Variants in ENTREP2 observed in about 807,000 individuals in gnomAD.
ENTREP2 encodes protein ENTREP2.
the ENTREP2 span, among the ~76,000 whole-genome samples, chr15:29,212,180 C>G: frequency 6.6e-6 from 1 of 152,128 alleles, no homozygotes; most frequent in Admixed American, 6.5e-5. Flanking sequence ...TTCAGGGTAT[C>G]TAATTCTTCC....
chr15:29,158,841 GATGT>G, the ENTREP2 span, among the ~76,000 whole-genome samples: 1 of 151,996 alleles, frequency 6.6e-6, no homozygotes. Context: ...TCTAATAAAT[GATGT>G]ATAGAACAAA....
the ENTREP2 span, among the ~76,000 whole-genome samples, chr15:29,357,953 TC>T: frequency 6.6e-6 from 1 of 151,736 alleles, no homozygotes; most frequent in South Asian, 2.1e-4. Flanking sequence ...GGCAAACCTC[TC>T]AAGGCATGCC....
chr15:29,326,664 C>T, the ENTREP2 span, among the ~76,000 whole-genome samples: 1 of 152,026 alleles, frequency 6.6e-6, no homozygotes, highest in Non-Finnish European at 1.5e-5. Flanking sequence ...AAATCCAATG[C>T]AACCCTAATC....
the ENTREP2 span, among the ~76,000 whole-genome samples, chr15:29,451,895 C>A: frequency 6.6e-6 from 1 of 152,232 alleles, no homozygotes; most frequent in African/African-American, 2.4e-5. Context: ...GAATCCTGCT[C>A]AGCAGTAGAT....
At chr15:29,608,260 C>T in the ENTREP2 span, among the ~76,000 whole-genome samples, 8 of 152,068 alleles carry the variant, frequency 5.3e-5, no homozygotes, top group African/African-American at 1.9e-4. Flanking sequence ...ATCACAAAGG[C>T]CATGTTAAGG....
At chr15:29,330,390 A>G in the ENTREP2 span, among the ~76,000 whole-genome samples, 1 of 152,126 alleles carries the variant, frequency 6.6e-6, no homozygotes, top group African/African-American at 2.4e-5. Flanking sequence ...CAGAGACTGC[A>G]GTGAGCCGAG....
chr15:29,459,562 C>T, the ENTREP2 span, among the ~76,000 whole-genome samples: 1 of 152,162 alleles, frequency 6.6e-6, no homozygotes, highest in African/African-American at 2.4e-5. Flanking sequence ...TAAAGATTAT[C>T]GCCAACAGCC....
At chr15:29,265,889 C>T in the ENTREP2 span, 1 of 152,228 alleles carries the variant, frequency 6.6e-6, no homozygotes, top group South Asian at 2.1e-4. Context: ...AAGATCAAAA[C>T]TTTGAACACT....
chr15:29,479,655 TCA>T, the ENTREP2 span, among the ~76,000 whole-genome samples: 1 of 143,168 alleles, frequency 7.0e-6, no homozygotes, highest in African/African-American at 2.7e-5. Flanking sequence ...TCTGTCTGTC[TCA>T]CACACACATA....
the ENTREP2 span, among the ~76,000 whole-genome samples, chr15:29,386,171 T>A: frequency 0.061 from 9,216 of 152,216 alleles, 365 homozygotes; most frequent in Middle Eastern, 0.15. Context: ...AGAACCAGGA[T>A]ACAGAAAGCC....
At chr15:29,167,374 A>T in the ENTREP2 span, among the ~76,000 whole-genome samples, 1 of 152,224 alleles carries the variant, frequency 6.6e-6, no homozygotes, top group Non-Finnish European at 1.5e-5. Flanking sequence ...TCAGTAGAGT[A>T]AACAGACAAT....
At chr15:29,546,889 A>G in the ENTREP2 span, among the ~76,000 whole-genome samples, 1 of 110,382 alleles carries the variant, frequency 9.1e-6, no homozygotes, top group Non-Finnish European at 1.8e-5. Context: ...TCCATCTCAA[A>G]AAAAAAAACA....
chr15:29,408,527 C>T, the ENTREP2 span, among the ~76,000 whole-genome samples: 4 of 152,172 alleles, frequency 2.6e-5, no homozygotes, highest in Non-Finnish European at 5.9e-5. Flanking sequence ...GTATGAGAAA[C>T]TGATCTGAAT....
At chr15:29,364,160 C>T in the ENTREP2 span, among the ~76,000 whole-genome samples, 2 of 152,164 alleles carry the variant, frequency 1.3e-5, no homozygotes, top group East Asian at 1.9e-4. Flanking sequence ...TATTTTACTA[C>T]GTCTTACGTT....
the ENTREP2 span, among the ~76,000 whole-genome samples, chr15:29,636,447 G>A: frequency 6.6e-6 from 1 of 152,224 alleles, no homozygotes; most frequent in Admixed American, 6.5e-5. Flanking sequence ...AGGCCGCCCT[G>A]CAGCTTAGAG....
At chr15:29,507,454 A>G in the ENTREP2 span, among the ~76,000 whole-genome samples, 1 of 152,200 alleles carries the variant, frequency 6.6e-6, no homozygotes, top group African/African-American at 2.4e-5. Context: ...CAGAGTATAC[A>G]TTCTTCCCAG....
the ENTREP2 span, among the ~76,000 whole-genome samples, chr15:29,366,322 G>A: frequency 1.1e-3 from 170 of 152,204 alleles, no homozygotes; most frequent in East Asian, 0.019. Context: ...TGATCCACCC[G>A]CCTCGGCCTC....
chr15:29,505,581 T>A, the ENTREP2 span, among the ~76,000 whole-genome samples: 2 of 152,170 alleles, frequency 1.3e-5, no homozygotes, highest in African/African-American at 4.8e-5. The surrounding 1 kb of genome is among the most constrained non-coding windows in gnomAD (Gnocchi z 4.3). Flanking sequence ...TCTTTGCTGT[T>A]CAGCAGCCTC....
At chr15:29,151,477 A>AC in the ENTREP2 span, among the ~76,000 whole-genome samples, 10 of 152,364 alleles carry the variant, frequency 6.6e-5, no homozygotes, top group East Asian at 1.9e-3. Context: ...ACTCAAGGGC[A>AC]CATGCCAGGG....
Sources: allele counts gnomAD v4.1 joint callset (sites outside exome capture counted in the v4.1 genomes callset), GRCh38; gene constraint gnomAD v4.1.1; non-coding constraint Gnocchi (gnomAD v3.1); transcripts MANE v1.5; gene names NCBI Gene and HGNC (gene_info 2026-07-23, HGNC 2026-07-21).